SHMT1: variants seen among roughly 807,000 people sequenced by gnomAD.
SHMT1 encodes the protein serine hydroxymethyltransferase, cytosolic.
In SHMT1, 45 loss-of-function variants were observed where a neutral mutation model predicts 49.0. The observed-to-expected ratio is 0.92, with a 90% CI of 0.72 to 1.18. SHMT1 has a LOEUF of 1.18. Ranked by LOEUF, SHMT1 falls within the 50% of genes most tolerant of loss-of-function variation. The probability of loss-of-function intolerance (pLI) is 0.00; values close to 1 mark genes in which losing one functional copy is unlikely to be tolerated. For missense variants in SHMT1, 541 were observed against 612.4 expected, an observed-to-expected ratio of 0.88 and a Z score of 1.23; for synonymous variants, 232 against 246.6, an observed-to-expected ratio of 0.94 and a Z score of 0.55.
chr17:18,329,056 A>T, intron 11 of SHMT1, 137 bp from the exon 12 acceptor site: 8 of 1,152,234 alleles, frequency 6.9e-6, no homozygotes, highest in African/African-American at 1.5e-5. Context: ...TGCTTACCTC[A>T]ATTACTCTGA....
chr17:18,336,284 AAAAAAG>A, intron 7 of SHMT1, among the ~76,000 whole-genome samples: 1 of 151,906 alleles, frequency 6.6e-6, no homozygotes, highest in Non-Finnish European at 1.5e-5. Flanking sequence ...CTCAAAAAGA[AAAAAAG>A]AAAAAAAAAG....
chr17:18,356,093 C>T, intron 1 of SHMT1, 93 bp from the exon 2 acceptor site: 1 of 633,432 alleles, frequency 1.6e-6, no homozygotes, highest in Non-Finnish European at 2.6e-6. Context: ...GTCTTTGTTG[C>T]CCAGGCTAGA....
At chr17:18,356,723 G>C (rs1186053309) in intron 1 of SHMT1, among the ~76,000 whole-genome samples, 1 of 152,036 alleles carries the variant, frequency 6.6e-6, no homozygotes, top group Non-Finnish European at 1.5e-5. Flanking sequence ...CCTCAGAATT[G>C]CTTGGTAAAC....
intron 7 of SHMT1, among the ~76,000 whole-genome samples, chr17:18,336,072 T>A (rs915188478): frequency 6.7e-6 from 1 of 148,304 alleles, no homozygotes; most frequent in Non-Finnish European, 1.5e-5. Context: ...AGGTCAGGAG[T>A]TTGGGACTAG....
intron 2 of SHMT1, among the ~76,000 whole-genome samples, chr17:18,354,360 AGT>A (rs1196929004): frequency 1.3e-5 from 2 of 152,194 alleles, no homozygotes; most frequent in African/African-American, 4.8e-5. Flanking sequence ...CGGAGGTTGC[AGT>A]GAGCCGAGAT....
At chr17:18,351,186 G>C (rs780600759) in intron 3 of SHMT1, among the ~76,000 whole-genome samples, 30 of 151,252 alleles carry the variant, frequency 2.0e-4, no homozygotes, top group Admixed American at 1.6e-3. Context: ...TGTCACCCAG[G>C]CTGGAGTGCA....
At chr17:18,331,174 CAG>C (rs1180668444) in intron 9 of SHMT1, 3 of 269,674 alleles carry the variant, frequency 1.1e-5, no homozygotes, top group African/African-American at 4.4e-5. Flanking sequence ...GCAAGGCTAA[CAG>C]AGTTTTCTGG....
chr17:18,348,437 G>C lies in SHMT1; in HGVS notation c.246C>G (p.Tyr82Ter), dbSNP rs143078306. 2 of 1,606,754 alleles carry C rather than the reference G, an allele frequency of 1.2e-6. No individual in the cohort carries two copies. Among genetic ancestry groups the C allele is most frequent in the Non-Finnish European group, 1.7e-6 (2 of 1,173,236 alleles). ...CATCAATAAACTCAGTCCCGCCATAGTATCTGTGGGAGAAGAGCAGGAGAC... is the reference window on the plus strand; with the variant it reads ...CATCAATAAACTCAGTCCCGCCATACTATCTGTGGGAGAAGAGCAGGAGAC... Reference protein sequence around the residue: ...KYSEGYPGQRYYGGTEFIDEL... With the variant: ...KYSEGYPGQR The change falls in exon 4 of 12, where the codon TAC becomes TAG. Residue 82 changes from tyrosine (Y) to a stop codon, truncating the protein, a stop_gained. Transcript: ENST00000316694. LOFTEE classifies it high-confidence loss of function.
In SHMT1 at chr17:18,330,545, T is replaced by C. The variant is rs758566326; in HGVS notation, c.1171+10A>G. 2 of 1,572,470 alleles carry C rather than the reference T, an allele frequency of 1.3e-6. No individual in the cohort carries two copies. Among genetic ancestry groups the C allele is most frequent in the Non-Finnish European group, 1.8e-6 (2 of 1,141,870 alleles). On this transcript the variant is annotated intron_variant, in intron 10 of 11. Coordinates refer to ENST00000316694, the MANE Select transcript of SHMT1 (RefSeq NM_004169.5). ...AGAGGAGTGAAGGAGAAGGCAAGGA[T>C]GATTCTCACCTGGACAGGTGTTCTT... is the stretch of plus-strand genomic sequence containing the variant.
rs1234664629 is a variant in SHMT1, at chr17:18,330,625, G to C, written c.1101C>G (p.Gly367=). The change falls in exon 10 of 12, where the codon GGC becomes GGG. Residue 367 remains glycine, a synonymous_variant. Coordinates refer to ENST00000316694, the MANE Select transcript of SHMT1 (RefSeq NM_004169.5). ...HLILVDLRSK[G]TDGGRAEKVL... ...CCTTCTCAGCCCTTCCACCATCTGT[G>C]CCTTTGGAACGGAGATCCACAAGGA... 6.2e-7 allele frequency: 1 copy of C among 1,614,072 alleles called. No homozygotes were observed. Among genetic ancestry groups the C allele is most frequent in the Non-Finnish European group, 8.5e-7 (1 of 1,179,962 alleles).
intron 3 of SHMT1, among the ~76,000 whole-genome samples, chr17:18,352,038 G>A (rs183556982): frequency 4.8e-4 from 73 of 151,736 alleles, no homozygotes; most frequent in African/African-American, 1.6e-3. Context: ...TGGAGACAGC[G>A]TCTCACTATA....
chr17:18,351,018 C>A lies in SHMT1; in HGVS notation c.243-2578G>T, dbSNP rs577381793. Reference sequence around the variant, plus strand: ...GAAGTGCTGGGATTACAGGTGTGAACCACCACGCCTTGCCTATTGTTTTCA... The same window carrying A: ...GAAGTGCTGGGATTACAGGTGTGAAACACCACGCCTTGCCTATTGTTTTCA... On this transcript the variant is annotated intron_variant, in intron 3 of 11. Transcript: ENST00000316694. Among the ~76,000 whole-genome samples, 15 of 152,204 alleles carry A rather than the reference C, an allele frequency of 9.9e-5. No homozygotes were observed. In the South Asian group the frequency reaches 3.1e-3, roughly 32 times the overall value.
At chr17:18,362,036 A>C (rs746835443) in intron 1 of SHMT1, among the ~76,000 whole-genome samples, 4 of 152,210 alleles carry the variant, frequency 2.6e-5, no homozygotes, top group Admixed American at 6.5e-5. Flanking sequence ...CCTCTGTCAC[A>C]TAAGAGGATC....
chr17:18,336,700 TTTGGGAGGCAGAG>T (rs563360135), intron 7 of SHMT1, among the ~76,000 whole-genome samples: 1 of 151,882 alleles, frequency 6.6e-6, no homozygotes, highest in Non-Finnish European at 1.5e-5. Context: ...ATCCCAGCAC[TTTGGGAGGCAGAG>T]GTGGGAGGAT....
chr17:18,332,819 C>CA (rs1275017921), intron 9 of SHMT1: 9 of 377,614 alleles, frequency 2.4e-5, no homozygotes, highest in Non-Finnish European at 2.1e-5. Flanking sequence ...GGCATCACCA[C>CA]ACAGTCCTGG....
chr17:18,342,804 C>T (rs1267741713), intron 5 of SHMT1, among the ~76,000 whole-genome samples: 4 of 151,702 alleles, frequency 2.6e-5, no homozygotes, highest in South Asian at 2.1e-4. Flanking sequence ...GGCGTGGTGG[C>T]GTATGCCTGT....
At chr17:18,359,571 G>C (rs1986559847) in intron 1 of SHMT1, among the ~76,000 whole-genome samples, 1 of 152,010 alleles carries the variant, frequency 6.6e-6, no homozygotes, top group Non-Finnish European at 1.5e-5. Flanking sequence ...AGACTTACTT[G>C]AGCCTCAGAG....
chr17:18,357,602 T>A (rs1045680660), intron 1 of SHMT1, among the ~76,000 whole-genome samples: 1 of 152,124 alleles, frequency 6.6e-6, no homozygotes, highest in Non-Finnish European at 1.5e-5. Context: ...AGTTTTGCTA[T>A]AAGAAGGGCC....
chr17:18,338,845 C>T (rs992850029), intron 7 of SHMT1, among the ~76,000 whole-genome samples: 3 of 151,928 alleles, frequency 2.0e-5, no homozygotes, highest in East Asian at 1.9e-4. Context: ...TGCTTGAAGG[C>T]GGCATGCTCA....
Sources: allele counts gnomAD v4.1 joint callset (sites outside exome capture counted in the v4.1 genomes callset), GRCh38; gene constraint gnomAD v4.1.1; transcripts MANE v1.5; gene names NCBI Gene and HGNC (gene_info 2026-07-23, HGNC 2026-07-21).